The following AP5M1 variants were observed in gnomAD, a reference collection of about 807,000 sequenced individuals.
AP5M1 encodes AP-5 complex subunit mu-1.
A neutral mutation model predicts 52.3 loss-of-function variants in AP5M1; 44 were observed. That is an observed-to-expected ratio of 0.84 (90% CI 0.66 to 1.08). AP5M1 has a LOEUF of 1.08. AP5M1 is among the 50% of genes least tolerant of loss of function. The probability of loss-of-function intolerance (pLI) is 0.00; values close to 1 mark genes in which losing one functional copy is unlikely to be tolerated. For missense variants in AP5M1, 526 were observed against 568.4 expected (o/e 0.93, Z 0.76); for synonymous variants, 213 against 199.0 (o/e 1.07, Z -0.59).
chr14:57,287,589 G>A (rs1885339689), intron 7 of AP5M1, among the ~76,000 whole-genome samples: 1 of 151,930 alleles, frequency 6.6e-6, no homozygotes, highest in African/African-American at 2.4e-5. Flanking sequence ...TACAAGATAG[G>A]AACATACCTG....
In AP5M1 at chr14:57,276,551, G is replaced by T. The variant is rs1005909524; in HGVS notation, c.720+1662G>T. ...AATCATGACACTGCACTCCAGCCTG[G>T]GTAACAGAGCTATACTCTGTCTTAA... On this transcript the variant is annotated intron_variant, in intron 2 of 7. Coordinates refer to ENST00000261558, the MANE Select transcript of AP5M1 (RefSeq NM_018229.4). Among the ~76,000 whole-genome samples, 4 of 151,584 alleles carry T rather than the reference G, an allele frequency of 2.6e-5. No homozygotes were observed. The East Asian group carries it at 7.7e-4, about 29-fold the overall frequency.
In AP5M1 at chr14:57,297,138, G is replaced by A. The variant is rs1005032885; in HGVS notation, c.*8254G>A. On this transcript the variant is annotated 3_prime_UTR_variant, in exon 8 of 8. Transcript: ENST00000261558. ...GAGAGAATTTTTTTTGCCTCCAGAT[G>A]TTTGGGGTTTGGATATGTAGGGTAA... is the stretch of plus-strand genomic sequence containing the variant. 1 of 152,026 alleles carries A rather than the reference G, an allele frequency of 6.6e-6. No individual in the cohort carries two copies. Among genetic ancestry groups the A allele is most frequent in the African/African-American group, 2.4e-5 (1 of 41,406 alleles). The allele number at this position is 152,026 out of a possible 1,614,324, so 9.4% of individuals were successfully genotyped here. A position where few individuals can be genotyped will look rare whatever the true frequency, so the allele number is the denominator to read the frequency against.
Position 57,282,223 on chromosome 14 carries a change from C to T in AP5M1, c.1083C>T (p.Tyr361=). ...FEFCEAHIPF[Y]NRGPITHLEY... ...TCTGTGAAGCCCATATACCTTTTTA[C>T]AATAGGTAGGAATAAAATGCATATT... Residue 361 remains tyrosine (Y), a synonymous_variant, in exon 4 of 8, where the codon TAC becomes TAT. Transcript: ENST00000261558. The T allele has an allele frequency of 6.5e-6, 10 of 1,527,156 alleles. No homozygotes were observed. The highest frequency in any genetic ancestry group is 8.7e-6 in the Non-Finnish European group (10 of 1,144,186). 94.6% of individuals were successfully genotyped at this position (1,527,156 alleles called of 1,614,324 possible). A position where few individuals can be genotyped will look rare whatever the true frequency, so the allele number is the denominator to read the frequency against.
At chr14:57,284,462 A>C (rs368724225) in intron 6 of AP5M1, among the ~76,000 whole-genome samples, 455 of 152,312 alleles carry the variant, frequency 3.0e-3, no homozygotes, top group South Asian at 5.6e-3. Flanking sequence ...GGTGAGTAAA[A>C]AAATTAGAGA....
In AP5M1 at chr14:57,296,430, T is replaced by C. The variant is rs1197813614; in HGVS notation, c.*7546T>C. The C allele has an allele frequency of 1.3e-5, 2 of 152,066 alleles. No homozygotes were observed. Among genetic ancestry groups the C allele is most frequent in the Admixed American group, 1.3e-4 (2 of 15,224 alleles). 9.4% of individuals were successfully genotyped at this position (152,066 alleles called of 1,614,324 possible). A position where few individuals can be genotyped will look rare whatever the true frequency, so the allele number is the denominator to read the frequency against. On this transcript the variant is annotated 3_prime_UTR_variant, in exon 8 of 8. Transcript: ENST00000261558. Reference sequence around the variant, plus strand: ...ACCATTTCTATAACATGTACATTTATAGAGCATCATATATTTATTTTAAGT... The same window carrying C: ...ACCATTTCTATAACATGTACATTTACAGAGCATCATATATTTATTTTAAGT...
rs1383858000 is a variant in AP5M1, at chr14:57,274,862, G to A, written c.693G>A (p.Trp231Ter). ...QYDKQGIADT[W>*]QVVGTVTCKC... ...ATAAACAGGGTATAGCAGATACATG[G>A]CAAGTTGTTGGAACAGTGACTTGCA... The change falls in exon 2 of 8, where the codon TGG becomes TGA. Residue 231 changes from tryptophan to a stop codon, truncating the protein, a stop_gained. Transcript: ENST00000261558. LOFTEE classifies it high-confidence loss of function. 6.2e-7 allele frequency: 1 copy of A among 1,614,008 alleles called. No individual in the cohort carries two copies. The highest frequency in any genetic ancestry group is 8.5e-7 in the Non-Finnish European group (1 of 1,180,028).
chr14:57,282,074 T>G lies in AP5M1; in HGVS notation c.949-15T>G. 6.4e-7 allele frequency: 1 copy of G among 1,559,376 alleles called. No individual in the cohort carries two copies. The highest frequency in any genetic ancestry group is 8.6e-7 in the Non-Finnish European group (1 of 1,160,660). ...TTAACCTGAGAATTATATAGACATT[T>G]ATGTTTCTTTTTAGGTCCCTGTCCC... On this transcript the variant is annotated splice_polypyrimidine_tract_variant and intron_variant, in intron 3 of 7. Coordinates refer to ENST00000261558, the MANE Select transcript of AP5M1 (RefSeq NM_018229.4).
Position 57,269,213 on chromosome 14 carries a change from C to A in AP5M1, c.-102C>A. The A allele has an allele frequency of 1.8e-6, 2 of 1,130,920 alleles. No homozygotes were observed. The highest frequency in any genetic ancestry group is 2.6e-6 in the Non-Finnish European group (2 of 764,804). The allele number at this position is 1,130,920 out of a possible 1,614,324, so 70.1% of individuals were successfully genotyped here. On this transcript the variant is annotated 5_prime_UTR_variant, in exon 1 of 8. Coordinates refer to ENST00000261558, the MANE Select transcript of AP5M1 (RefSeq NM_018229.4). ...CGACCGGTATGCGGCGCAGGATGAG[C>A]CTCAGGGCTTCTGTTAAGAGTCTGT...
chr14:57,287,985 G>A lies in AP5M1; in HGVS notation c.1391-817G>A, dbSNP rs148437025. Among the ~76,000 whole-genome samples, 89 of 152,084 alleles carry A rather than the reference G, an allele frequency of 5.9e-4. No homozygotes were observed. In the Middle Eastern group the frequency reaches 0.01, roughly 18 times the overall value. Reference sequence around the variant, plus strand: ...CATAGCTTGCAAATGGCAGAACTGCGAGTCAGATACTCAAGCATTCTGGCT... The same window carrying A: ...CATAGCTTGCAAATGGCAGAACTGCAAGTCAGATACTCAAGCATTCTGGCT... On this transcript the variant is annotated intron_variant, in intron 7 of 7. Transcript: ENST00000261558.
intron 1 of AP5M1, among the ~76,000 whole-genome samples, chr14:57,270,847 A>G (rs1884879846): frequency 6.6e-6 from 1 of 152,148 alleles, no homozygotes; most frequent in East Asian, 1.9e-4. Flanking sequence ...CTAATGTTAC[A>G]TTTGTCACAT....
chr14:57,280,876 T>C (rs1416327035), intron 3 of AP5M1, among the ~76,000 whole-genome samples: 3 of 152,092 alleles, frequency 2.0e-5, no homozygotes, highest in Non-Finnish European at 4.4e-5. Context: ...ATTCACTTAT[T>C]TGAATAAGAT....
In AP5M1 at chr14:57,297,745, AAC is replaced by A. The variant is rs1470445347; in HGVS notation, c.*8865_*8866del. 1 of 152,178 alleles carries A rather than the reference AAC, an allele frequency of 6.6e-6. No individual in the cohort carries two copies. Among genetic ancestry groups the A allele is most frequent in the Non-Finnish European group, 1.5e-5 (1 of 68,028 alleles). The allele number at this position is 152,178 out of a possible 1,614,324, so 9.4% of individuals were successfully genotyped here. A position where few individuals can be genotyped will look rare whatever the true frequency, so the allele number is the denominator to read the frequency against. ...CCTTTATATTTCCAGTGCCACCAGA[AAC>A]ACAAAAGCAGCTTAGTGTTGATTTA... On this transcript the variant is annotated 3_prime_UTR_variant, in exon 8 of 8. Transcript: ENST00000261558.
chr14:57,274,313 T>C lies in AP5M1; in HGVS notation c.144T>C (p.Asp48=), dbSNP rs1884964894. The change falls in exon 2 of 8, where the codon GAT becomes GAC. Residue 48 remains aspartate (D), a synonymous_variant. Coordinates refer to ENST00000261558, the MANE Select transcript of AP5M1 (RefSeq NM_018229.4). ...CAAGTTATGTGCCTGTTCCTGAAGA[T>C]GGTCCCTTTCTTAAAGCACTGCTCT... The part of the protein sequence containing the change: ...NGASYVPVPE[D]GPFLKALLFE... 1 of 1,614,178 alleles carries C rather than the reference T, an allele frequency of 6.2e-7. No homozygotes were observed. Among genetic ancestry groups the C allele is most frequent in the Non-Finnish European group, 8.5e-7 (1 of 1,180,026 alleles).
rs1467096155 is a variant in AP5M1, at chr14:57,295,762, C to A, written c.*6878C>A. Reference sequence around the variant, plus strand: ...TCATTTATTTATTTATTTGGGTATACCTTCCAGTTACTTCCAGATGCTTTA... The same window carrying A: ...TCATTTATTTATTTATTTGGGTATAACTTCCAGTTACTTCCAGATGCTTTA... On this transcript the variant is annotated 3_prime_UTR_variant, in exon 8 of 8. Transcript: ENST00000261558. 6.7e-6 allele frequency: 1 copy of A among 149,958 alleles called. No homozygotes were observed. The highest frequency in any genetic ancestry group is 1.5e-5 in the Non-Finnish European group (1 of 67,614). The allele number at this position is 149,958 out of a possible 1,614,324, so 9.3% of individuals were successfully genotyped here.
rs889898725 is a variant in AP5M1, at chr14:57,293,655, G to A, written c.*4771G>A. On this transcript the variant is annotated 3_prime_UTR_variant, in exon 8 of 8. Transcript: ENST00000261558. ...CTAGTGTTTTTAATCATTACACTCCGTGCAGTCATATTTAATCAATAAAAC... is the reference window on the plus strand; with the variant it reads ...CTAGTGTTTTTAATCATTACACTCCATGCAGTCATATTTAATCAATAAAAC... 5.3e-5 allele frequency: 8 copies of A among 151,540 alleles called. No homozygotes were observed. The highest frequency in any genetic ancestry group is 9.7e-5 in the African/African-American group (4 of 41,322). The allele number at this position is 151,540 out of a possible 1,614,324, so 9.4% of individuals were successfully genotyped here. A position where few individuals can be genotyped will look rare whatever the true frequency, so the allele number is the denominator to read the frequency against.
rs1176523171 is a variant in AP5M1, at chr14:57,291,672, T to C, written c.*2788T>C. 6.6e-6 allele frequency: 1 copy of C among 151,910 alleles called. No homozygotes were observed. Among genetic ancestry groups the C allele is most frequent in the Non-Finnish European group, 1.5e-5 (1 of 67,870 alleles). 9.4% of individuals were successfully genotyped at this position (151,910 alleles called of 1,614,324 possible). A position where few individuals can be genotyped will look rare whatever the true frequency, so the allele number is the denominator to read the frequency against. The stretch of plus-strand genomic sequence containing the variant: ...TCCCATAAAATCGTTTTCATTTTTT[T>C]CACACCAATTCAGTATTTCTACTAG... On this transcript the variant is annotated 3_prime_UTR_variant, in exon 8 of 8. Transcript: ENST00000261558.
chr14:57,272,858 A>G (rs2139684310), intron 1 of AP5M1, among the ~76,000 whole-genome samples: 1 of 152,304 alleles, frequency 6.6e-6, no homozygotes, highest in East Asian at 1.9e-4. Context: ...ATATTTACCT[A>G]CACATGGGTA....
chr14:57,295,156 A>AT lies in AP5M1; in HGVS notation c.*6278dup, dbSNP rs1885522985. 1 of 151,846 alleles carries AT rather than the reference A, an allele frequency of 6.6e-6. No individual in the cohort carries two copies. Among genetic ancestry groups the AT allele is most frequent in the Non-Finnish European group, 1.5e-5 (1 of 67,830 alleles). The allele number at this position is 151,846 out of a possible 1,614,324, so 9.4% of individuals were successfully genotyped here. On this transcript the variant is annotated 3_prime_UTR_variant, in exon 8 of 8. Coordinates refer to ENST00000261558, the MANE Select transcript of AP5M1 (RefSeq NM_018229.4). ...TTGTTTCTAAAGGACATAGGAGTGCATTTTTTATATGAAACCAGAACTGGA... is the reference window on the plus strand; with the variant it reads ...TTGTTTCTAAAGGACATAGGAGTGCATTTTTTTATATGAAACCAGAACTGGA...
rs2139706128 is a variant in AP5M1, at chr14:57,297,637, A to T, written c.*8753A>T. 6.6e-6 allele frequency: 1 copy of T among 152,154 alleles called. No homozygotes were observed. The highest frequency in any genetic ancestry group is 2.1e-4 in the South Asian group (1 of 4,826). 9.4% of individuals were successfully genotyped at this position (152,154 alleles called of 1,614,324 possible). The stretch of plus-strand genomic sequence containing the variant: ...ACAAGCTCTAGAGTAGTGGCCTCAC[A>T]TTGATTTATATTAGTGTGCCAGTCT... On this transcript the variant is annotated 3_prime_UTR_variant, in exon 8 of 8. Transcript: ENST00000261558.
Sources: gnomAD v4.1 joint callset for allele counts (sites outside exome capture counted in the v4.1 genomes callset) on GRCh38, gnomAD v4.1.1 for gene constraint, MANE v1.5 for transcripts, NCBI Gene and HGNC (gene_info 2026-07-23, HGNC 2026-07-21) for gene names.